ANKRD52: variants seen among roughly 807,000 people sequenced by gnomAD.
ANKRD52 encodes the protein ankyrin repeat domain 52, also known as serine/threonine-protein phosphatase 6 regulatory ankyrin repeat subunit C.
ANKRD52 carries 7 observed loss-of-function variants against 116.0 expected under a neutral mutation model. The observed-to-expected ratio is 0.06, with a 90% CI of 0.03 to 0.11. The LOEUF (loss-of-function observed/expected upper bound fraction) is 0.11. Among genes scored for constraint, ANKRD52 ranks in the 10% least tolerant of loss-of-function variants. ANKRD52 has a pLI of 1.00. For missense variants in ANKRD52, 839 were observed against 1,408.6 expected (o/e 0.60, Z 6.47); for synonymous variants, 528 against 578.1 (o/e 0.91, Z 1.24).
At position 56,252,620 on chromosome 12, in the gene ANKRD52, G is replaced by A. The variant is rs1226208376; in HGVS notation, c.1302-50C>T. ...GTTACAGCCTCAAAGGGAAGCCACA[G>A]GCCCAGGGTGGGGCTAAGGAAGGAT... On this transcript the variant is annotated intron_variant, in intron 12 of 27. Coordinates refer to ENST00000267116, the MANE Select transcript of ANKRD52 (RefSeq NM_173595.4). The surrounding 1 kb of genome is among the most constrained non-coding windows in gnomAD (Gnocchi z 4.7). The A allele has an allele frequency of 6.3e-7, 1 of 1,589,252 alleles. No homozygotes were observed. The highest frequency in any genetic ancestry group is 1.7e-5 in the Admixed American group (1 of 59,974).
At position 56,253,206 on chromosome 12, in the gene ANKRD52, G is replaced by T; in HGVS notation, c.1100+82C>A. 1 of 1,492,856 alleles carries T rather than the reference G, an allele frequency of 6.7e-7. No homozygotes were observed. 92.5% of individuals were successfully genotyped at this position (1,492,856 alleles called of 1,614,324 possible). ...GGTTCTCCAAGGTGCCCTTTGGCAAGCTTATCTGTGCCTCCATGGTTGATG... is the reference window on the plus strand; with the variant it reads ...GGTTCTCCAAGGTGCCCTTTGGCAATCTTATCTGTGCCTCCATGGTTGATG... On this transcript the variant is annotated intron_variant, in intron 10 of 27. Transcript: ENST00000267116. The surrounding 1 kb of genome is among the most constrained non-coding windows in gnomAD (Gnocchi z 5.5).
chr12:56,243,982 G>T lies in ANKRD52; in HGVS notation c.2888+69C>A. On this transcript the variant is annotated intron_variant, in intron 26 of 27. Coordinates refer to ENST00000267116, the MANE Select transcript of ANKRD52 (RefSeq NM_173595.4). This position sits in a 1 kb window ranked among gnomAD's most constrained non-coding sequence, Gnocchi z 4.6. ...ATACAATGGGCTCCAGAGAGCCTCT[G>T]AACAGCGGCCACTCTTTCATCACCC... is the stretch of plus-strand genomic sequence containing the variant. The T allele has an allele frequency of 3.7e-6, 6 of 1,604,954 alleles. No individual in the cohort carries two copies. Among genetic ancestry groups the T allele is most frequent in the South Asian group, 1.1e-5 (1 of 90,858 alleles).
rs1177783438 is a variant in ANKRD52, at chr12:56,243,138, G to A, written c.*4C>T. On this transcript the variant is annotated 3_prime_UTR_variant, in exon 28 of 28. Transcript: ENST00000267116. The surrounding 1 kb of genome is among the most constrained non-coding windows in gnomAD (Gnocchi z 4.6). Reference sequence around the variant, plus strand: ...CACCGGCGGGGGAGGGACACTGGAGGGGGCTACTCAGAGTAGCAGCCATCT... The same window carrying A: ...CACCGGCGGGGGAGGGACACTGGAGAGGGCTACTCAGAGTAGCAGCCATCT... 1.9e-6 allele frequency: 3 copies of A among 1,584,770 alleles called. No individual in the cohort carries two copies. Among genetic ancestry groups the A allele is most frequent in the Non-Finnish European group, 2.6e-6 (3 of 1,163,166 alleles).
At chr12:56,257,230 C>T in intron 3 of ANKRD52, 53 bp downstream of exon 3, 1 of 1,550,352 alleles carries the variant, frequency 6.5e-7, no homozygotes, top group Non-Finnish European at 8.8e-7. Context: ...AAAAAAGACT[C>T]CTCCCCTCCC....
Position 56,252,826 on chromosome 12 carries a change from G to C in ANKRD52, c.1255C>G (p.Pro419Ala), listed in dbSNP as rs774215951. The part of the protein sequence containing the change: ...VLSAGFDINT[P>A]DNLGRTCLHA... ...AGACAGGTACGGCCAAGGTTGTCAG[G>C]TGTATTGATGTCAAACCCAGCTGAA... Residue 419 changes from proline to alanine, a missense_variant, in exon 12 of 28, where the codon CCT becomes GCT. By Grantham distance (27) the Pro-to-Ala change is conservative (BLOSUM62 -1). Coordinates refer to ENST00000267116, the MANE Select transcript of ANKRD52 (RefSeq NM_173595.4). The surrounding 1 kb of genome is among the most constrained non-coding windows in gnomAD (Gnocchi z 4.7). 1 of 1,613,938 alleles carries C rather than the reference G, an allele frequency of 6.2e-7. No individual in the cohort carries two copies. Among genetic ancestry groups the C allele is most frequent in the Non-Finnish European group, 8.5e-7 (1 of 1,179,900 alleles).
rs775538917 is a variant in ANKRD52 at position 56,243,422 on chromosome 12, T to C, written c.2981-30A>G. 1 of 1,607,322 alleles carries C rather than the reference T, an allele frequency of 6.2e-7. No individual in the cohort carries two copies. Among genetic ancestry groups the C allele is most frequent in the Non-Finnish European group, 8.5e-7 (1 of 1,176,670 alleles). On this transcript the variant is annotated intron_variant, in intron 27 of 27. Coordinates refer to ENST00000267116, the MANE Select transcript of ANKRD52 (RefSeq NM_173595.4). This position sits in a 1 kb window ranked among gnomAD's most constrained non-coding sequence, Gnocchi z 4.6. ...AGGGCCAAGGGGGAGAACTGAGGCATAGAGTCCTGTATCCTAGCCAGCCTC... is the reference window on the plus strand; with the variant it reads ...AGGGCCAAGGGGGAGAACTGAGGCACAGAGTCCTGTATCCTAGCCAGCCTC...
Position 56,254,270 on chromosome 12 carries a change from G to A in ANKRD52, c.703C>T (p.Pro235Ser), listed in dbSNP as rs1278546394. The A allele has an allele frequency of 1.2e-6, 2 of 1,613,512 alleles. No homozygotes were observed. Among genetic ancestry groups the A allele is most frequent in the African/African-American group, 1.3e-5 (1 of 74,900 alleles). ...LLRMGAEIDE[P>S]NAFGNTALHI... ...AAAGCTGTGTTTCCAAAAGCATTGGGTTCATCGATCTGGATATTCAGGGGT... is the reference window on the plus strand; with the variant it reads ...AAAGCTGTGTTTCCAAAAGCATTGGATTCATCGATCTGGATATTCAGGGGT... The change falls in exon 8 of 28, where the codon CCC (proline) becomes TCC (serine). Residue 235 changes from proline to serine, a missense_variant. By Grantham distance (74) the Pro-to-Ser change is moderately conservative. Around this residue, in one of 2 missense-constraint regions of ANKRD52, gnomAD observed 287 missense variants for 598.1 expected, o/e 0.48. Coordinates refer to ENST00000267116, the MANE Select transcript of ANKRD52 (RefSeq NM_173595.4). This position sits in a 1 kb window ranked among gnomAD's most constrained non-coding sequence, Gnocchi z 4.6.
intron 2 of ANKRD52, 135 bp from the exon 3 acceptor site, chr12:56,257,496 TATTGGGAGTCAA>T (rs1376854028): frequency 7.1e-6 from 6 of 845,054 alleles, no homozygotes; most frequent in East Asian, 5.3e-5. Flanking sequence ...TAAGTCCCGG[TATTGGGAGTCAA>T]AGGCAAGCAC....
chr12:56,254,076 G>A lies in ANKRD52; in HGVS notation c.897C>T (p.Val299=). The change falls in exon 8 of 28, where the codon GTC becomes GTT. Residue 299 remains valine (V), a synonymous_variant. Transcript: ENST00000267116. This position sits in a 1 kb window ranked among gnomAD's most constrained non-coding sequence, Gnocchi z 4.6. ...LELLVNNGAD[V]NYQSKEGKSP... is the part of the protein sequence containing the mutation. ...TTATCCCTTCAGGCACCTGGTAGTT[G>A]ACGTCAGCCCCATTATTAACCAGTA... 1 of 1,613,632 alleles carries A rather than the reference G, an allele frequency of 6.2e-7. No individual in the cohort carries two copies. Among genetic ancestry groups the A allele is most frequent in the Non-Finnish European group, 8.5e-7 (1 of 1,179,728 alleles).
chr12:56,245,070 G>A (rs897316858), intron 22 of ANKRD52, 33 bp downstream of exon 22: 24 of 1,612,820 alleles, frequency 1.5e-5, no homozygotes, highest in Middle Eastern at 1.6e-4. Context: ...ATGGGCCCTC[G>A]CGAGAAGGGC....
At position 56,239,915 on chromosome 12, in the gene ANKRD52, C is replaced by T. The variant is rs943963035; in HGVS notation, c.*3227G>A. On this transcript the variant is annotated 3_prime_UTR_variant, in exon 28 of 28. Transcript: ENST00000267116. ...ATAGGGGTGAGGAAGGAAGAGGGGCCATGGCTGGGGTTGGAGAGGGAGGTA... is the reference window on the plus strand; with the variant it reads ...ATAGGGGTGAGGAAGGAAGAGGGGCTATGGCTGGGGTTGGAGAGGGAGGTA... 1 of 152,416 alleles carries T rather than the reference C, an allele frequency of 6.6e-6. No homozygotes were observed. Among genetic ancestry groups the T allele is most frequent in the African/African-American group, 2.4e-5 (1 of 41,434 alleles). 9.4% of individuals were successfully genotyped at this position (152,416 alleles called of 1,614,324 possible).
chr12:56,258,280 G>C lies in ANKRD52; in HGVS notation c.-11C>G. ...GCTGAGGATCCCCATGGCTCGGCCC[G>C]GGCTCCGTCCGCATCGAGCTCCCGG... On this transcript the variant is annotated 5_prime_UTR_variant, in exon 1 of 28. Coordinates refer to ENST00000267116, the MANE Select transcript of ANKRD52 (RefSeq NM_173595.4). 1 of 1,572,224 alleles carries C rather than the reference G, an allele frequency of 6.4e-7. No individual in the cohort carries two copies. Among genetic ancestry groups the C allele is most frequent in the Non-Finnish European group, 8.6e-7 (1 of 1,162,948 alleles).
chr12:56,248,765 G>A lies in ANKRD52; in HGVS notation c.1698C>T (p.Leu566=), dbSNP rs755367646. 6.8e-6 allele frequency: 11 copies of A among 1,609,006 alleles called. No homozygotes were observed. Among genetic ancestry groups the A allele is most frequent in the African/African-American group, 4.0e-5 (3 of 74,856 alleles). Residue 566 remains leucine, a synonymous_variant, in exon 16 of 28, where the codon CTC becomes CTT. Transcript: ENST00000267116. The surrounding 1 kb of genome is among the most constrained non-coding windows in gnomAD (Gnocchi z 5.1). ...YAAAYGNRQN[L]ELLLEMSFNC... is the part of the protein sequence containing the mutation. The stretch of plus-strand genomic sequence containing the variant: ...GCCGGGCCCCAACACATACCAGTTC[G>A]AGGTTCTGTCTGTTGCCATAGGCGG...
chr12:56,247,409 C>T (rs1357433134), intron 20 of ANKRD52, 84 bp downstream of exon 20: 10 of 1,111,778 alleles, frequency 9.0e-6, no homozygotes, highest in Middle Eastern at 3.0e-4. Context: ...GCCTCCTAGA[C>T]AATTGGATTC....
In ANKRD52 at chr12:56,243,638, G is replaced by GT; in HGVS notation, c.2980+146_2980+147insA. 1.0e-6 allele frequency: 1 copy of GT among 979,416 alleles called. No individual in the cohort carries two copies. Among genetic ancestry groups the GT allele is most frequent in the Non-Finnish European group, 1.5e-6 (1 of 670,594 alleles). The allele number at this position is 979,416 out of a possible 1,614,324, so 60.7% of individuals were successfully genotyped here. On this transcript the variant is annotated intron_variant, in intron 27 of 27. Coordinates refer to ENST00000267116, the MANE Select transcript of ANKRD52 (RefSeq NM_173595.4). The surrounding 1 kb of genome is among the most constrained non-coding windows in gnomAD (Gnocchi z 4.6). ...CCTGACCCTGCAGGCTCCCCTCTGA[G>GT]ACTCCAGAGTACTGGTGTGGGCTCC... is the stretch of plus-strand genomic sequence containing the variant.
rs1871873187 is a variant in ANKRD52 at position 56,254,890 on chromosome 12, C to T, written c.525G>A (p.Gln175=). The part of the protein sequence containing the change: ...SLNVCDKKER[Q]PLHWAAFLGH... ...CTAGAAAAGCTGCCCAATGCAGAGG[C>T]TGCCGCTCCTTTTTGTCACAGACAT... The change falls in exon 6 of 28, where the codon CAG becomes CAA. Residue 175 remains glutamine, a synonymous_variant. Transcript: ENST00000267116. The surrounding 1 kb of genome is among the most constrained non-coding windows in gnomAD (Gnocchi z 4.6). 3 of 1,613,604 alleles carry T rather than the reference C, an allele frequency of 1.9e-6. No homozygotes were observed. Among genetic ancestry groups the T allele is most frequent in the Non-Finnish European group, 2.5e-6 (3 of 1,179,506 alleles).
At position 56,258,274 on chromosome 12, in the gene ANKRD52, C is replaced by T. The variant is rs775792674; in HGVS notation, c.-5G>A. On this transcript the variant is annotated 5_prime_UTR_variant, in exon 1 of 28. Coordinates refer to ENST00000267116, the MANE Select transcript of ANKRD52 (RefSeq NM_173595.4). ...CGTGATGCTGAGGATCCCCATGGCT[C>T]GGCCCGGGCTCCGTCCGCATCGAGC... 6.3e-7 allele frequency: 1 copy of T among 1,589,456 alleles called. No homozygotes were observed.
rs537260406 is a variant in ANKRD52 at position 56,254,376 on chromosome 12, C to T, written c.694-97G>A. On this transcript the variant is annotated intron_variant, in intron 7 of 27. Coordinates refer to ENST00000267116, the MANE Select transcript of ANKRD52 (RefSeq NM_173595.4). This position sits in a 1 kb window ranked among gnomAD's most constrained non-coding sequence, Gnocchi z 4.6. Reference sequence around the variant, plus strand: ...GATCCCAGAAATCCAACGACTGCCTCATTTCCTCTCGGGTTTATGACCCAA... The same window carrying T: ...GATCCCAGAAATCCAACGACTGCCTTATTTCCTCTCGGGTTTATGACCCAA... The T allele has an allele frequency of 4.7e-4, 695 of 1,473,270 alleles. No individual in the cohort carries two copies. The highest frequency in any genetic ancestry group is 6.3e-4 in the Non-Finnish European group (675 of 1,075,752). 91.3% of individuals were successfully genotyped at this position (1,473,270 alleles called of 1,614,324 possible).
At chr12:56,251,057 T>C (rs1274492) in intron 15 of ANKRD52, among the ~76,000 whole-genome samples, 142,860 of 151,940 alleles carry the variant, frequency 0.94, 67,704 homozygotes, top group East Asian at 1. Flanking sequence ...TCTCCTGCCT[T>C]AGCCACCCGA....
Sources: allele counts gnomAD v4.1 joint callset (sites outside exome capture counted in the v4.1 genomes callset), GRCh38; gene constraint gnomAD v4.1.1; regional missense constraint gnomAD v4.1.1; non-coding constraint Gnocchi (gnomAD v3.1); transcripts MANE v1.5; gene names NCBI Gene and HGNC (gene_info 2026-07-23, HGNC 2026-07-21).